Variants in RBM47 observed in about 807,000 individuals in gnomAD.
The protein encoded by RBM47 is RNA binding motif protein 47.
A neutral mutation model predicts 47.1 loss-of-function variants in RBM47; 21 were observed. That is an observed-to-expected ratio of 0.45 (90% CI 0.32 to 0.64). The LOEUF (loss-of-function observed/expected upper bound fraction) is 0.64. Among genes scored for constraint, RBM47 ranks in the 30% least tolerant of loss-of-function variants. The pLI, the probability that RBM47 is intolerant of heterozygous loss-of-function variation, is 0.05. For synonymous variants in RBM47, 375 were observed against 361.7 expected, an observed-to-expected ratio of 1.04 and a Z score of -0.42; for missense variants, 708 against 870.9, an observed-to-expected ratio of 0.81 and a Z score of 2.35.
intron 3 of RBM47, among the ~76,000 whole-genome samples, chr4:40,440,771 A>G (rs1377316496): frequency 6.6e-6 from 1 of 152,224 alleles, no homozygotes; most frequent in African/African-American, 2.4e-5. Context: ...AATCAGAATG[A>G]TAATAATAGT....
intron 1 of RBM47, among the ~76,000 whole-genome samples, chr4:40,583,342 A>G (rs750943006): frequency 7.3e-5 from 10 of 136,914 alleles, no homozygotes; most frequent in Non-Finnish European, 1.2e-4. Flanking sequence ...TGAACCTGAG[A>G]GGTGGAGGTT....
At chr4:40,617,066 G>A (rs926137116) in intron 1 of RBM47, among the ~76,000 whole-genome samples, 1 of 151,520 alleles carries the variant, frequency 6.6e-6, no homozygotes, top group Non-Finnish European at 1.5e-5. Context: ...AGTAGAGACA[G>A]GATTTCACCA....
At chr4:40,432,017 ATT>A (rs67566145) in intron 6 of RBM47, among the ~76,000 whole-genome samples, 1 of 88,576 alleles carries the variant, frequency 1.1e-5, no homozygotes, top group South Asian at 6.3e-4. Context: ...TGCCAGGCTA[ATT>A]TAAAAAAAAA....
chr4:40,461,056 C>A (rs1717069558), intron 3 of RBM47, among the ~76,000 whole-genome samples: 1 of 152,014 alleles, frequency 6.6e-6, no homozygotes, highest in Non-Finnish European at 1.5e-5. Flanking sequence ...AAGAAATATG[C>A]ACTTAAATTA....
intron 1 of RBM47, among the ~76,000 whole-genome samples, chr4:40,551,633 C>A (rs893821730): frequency 6.7e-6 from 1 of 148,908 alleles, no homozygotes; most frequent in Admixed American, 6.7e-5. Flanking sequence ...GAGGGAGAAT[C>A]AAATAGCGTA....
intron 3 of RBM47, among the ~76,000 whole-genome samples, chr4:40,447,170 C>T (rs962195793): frequency 1.2e-4 from 19 of 152,294 alleles, no homozygotes; most frequent in African/African-American, 3.6e-4. Flanking sequence ...AGCTATTCTT[C>T]CCAACACTAA....
chr4:40,491,819 CT>C, intron 2 of RBM47: 1 of 215,972 alleles, frequency 4.6e-6, no homozygotes, highest in Non-Finnish European at 9.5e-6. Flanking sequence ...AGCCTACCAC[CT>C]TCAGAAGTCA....
Position 40,535,168 on chromosome 4 carries a change from C to T in RBM47, c.-155+9254G>A, listed in dbSNP as rs10011078. 2.5e-3 allele frequency among the ~76,000 whole-genome samples: 383 copies of T among 152,158 alleles called. 3 individuals carry two copies. The highest frequency in any genetic ancestry group is 0.01 in the Middle Eastern group (3 of 294). Reference sequence around the variant, plus strand: ...AAGTAAAAGACTTCCTTATGCCTGGCATATAGTGAACCCTCAGTAAATGTA... The same window carrying T: ...AAGTAAAAGACTTCCTTATGCCTGGTATATAGTGAACCCTCAGTAAATGTA... On this transcript the variant is annotated intron_variant, in intron 2 of 6. Coordinates refer to ENST00000295971, the MANE Select transcript of RBM47 (RefSeq NM_001098634.2).
chr4:40,569,931 C>T (rs1012219655), intron 1 of RBM47, among the ~76,000 whole-genome samples: 2 of 151,626 alleles, frequency 1.3e-5, no homozygotes. Flanking sequence ...AGGCTGGTCT[C>T]GAACTCCTGT....
At chr4:40,612,046 A>G (rs904897642) in intron 1 of RBM47, among the ~76,000 whole-genome samples, 1 of 152,232 alleles carries the variant, frequency 6.6e-6, no homozygotes, top group Non-Finnish European at 1.5e-5. Flanking sequence ...AAGGGTCAAG[A>G]GCGTTGGAAT....
At chr4:40,580,402 G>C (rs1287290229) in intron 1 of RBM47, among the ~76,000 whole-genome samples, 1 of 152,030 alleles carries the variant, frequency 6.6e-6, no homozygotes, top group Admixed American at 6.6e-5. Flanking sequence ...TCCTGGGTCT[G>C]AGGGCTCCAA....
chr4:40,516,940 C>T (rs1220380900), intron 2 of RBM47, among the ~76,000 whole-genome samples: 3 of 152,164 alleles, frequency 2.0e-5, no homozygotes, highest in East Asian at 3.9e-4. Flanking sequence ...TTGTCCCTTG[C>T]GTGCCCTTCT....
intron 1 of RBM47, among the ~76,000 whole-genome samples, chr4:40,555,065 AG>A (rs1163118100): frequency 1.3e-5 from 2 of 152,064 alleles, no homozygotes; most frequent in African/African-American, 4.8e-5. Flanking sequence ...CCTTCCCAGT[AG>A]CTGGGATTAC....
At position 40,486,104 on chromosome 4, in the gene RBM47, AGT is replaced by A. The variant is rs576318896; in HGVS notation, c.-154-19407_-154-19406del. On this transcript the variant is annotated intron_variant, in intron 2 of 6. Coordinates refer to ENST00000295971, the MANE Select transcript of RBM47 (RefSeq NM_001098634.2). ...AAAAAAAAAAAAAAAAAAAGAGCTTAGTGTGAAGAGTTTAGAAACTAAATACA... is the reference window on the plus strand; with the variant it reads ...AAAAAAAAAAAAAAAAAAAGAGCTTAGTGAAGAGTTTAGAAACTAAATACA... Among the ~76,000 whole-genome samples the A allele has an allele frequency of 2.5e-3, 359 of 144,474 alleles. 3 individuals are homozygous for A. The highest frequency in any genetic ancestry group is 7.6e-3 in the African/African-American group (300 of 39,674). 94.8% of individuals were successfully genotyped at this position (144,474 alleles called of 152,430 possible).
intron 2 of RBM47, among the ~76,000 whole-genome samples, chr4:40,502,869 G>A (rs1223633648): frequency 6.6e-6 from 1 of 151,866 alleles, no homozygotes; most frequent in East Asian, 1.9e-4. Context: ...GCTGGGCGTG[G>A]TGGCTCATGC....
intron 1 of RBM47, among the ~76,000 whole-genome samples, chr4:40,575,132 T>C (rs1732164645): frequency 6.6e-6 from 1 of 152,132 alleles, no homozygotes; most frequent in Non-Finnish European, 1.5e-5. Context: ...GAAAACCCCT[T>C]AAAACAATCC....
intron 2 of RBM47, among the ~76,000 whole-genome samples, chr4:40,475,236 A>G (rs562059175): frequency 5.3e-5 from 8 of 152,284 alleles, no homozygotes; most frequent in African/African-American, 1.9e-4. Context: ...AATTATCATA[A>G]AGCTAATTCC....
At position 40,520,378 on chromosome 4, in the gene RBM47, G is replaced by C. The variant is rs193037831; in HGVS notation, c.-155+24044C>G. The stretch of plus-strand genomic sequence containing the variant: ...ATGCCAGCATGCAGGTATACCCCTA[G>C]AATTTTCAACTGCAGAGCTGCAATA... On this transcript the variant is annotated intron_variant, in intron 2 of 6. Transcript: ENST00000295971. Among the ~76,000 whole-genome samples the C allele has an allele frequency of 4.5e-4, 69 of 152,286 alleles. 2 individuals are homozygous for C. The East Asian group carries it at 9.5e-3, about 21-fold the overall frequency.
chr4:40,539,476 C>T lies in RBM47; in HGVS notation c.-155+4946G>A, dbSNP rs113308019. Among the ~76,000 whole-genome samples, 204 of 152,136 alleles carry T rather than the reference C, an allele frequency of 1.3e-3. 1 individual carries two copies. The highest frequency in any genetic ancestry group is 4.6e-3 in the African/African-American group (191 of 41,518). On this transcript the variant is annotated intron_variant, in intron 2 of 6. Coordinates refer to ENST00000295971, the MANE Select transcript of RBM47 (RefSeq NM_001098634.2). The stretch of plus-strand genomic sequence containing the variant: ...ATCTTCTAAGCCAGGCACGGTGACT[C>T]GTGCCTGTAATCCCAGCACTTTGGG...
Sources: allele counts gnomAD v4.1 joint callset (sites outside exome capture counted in the v4.1 genomes callset), GRCh38; gene constraint gnomAD v4.1.1; transcripts MANE v1.5; gene names NCBI Gene and HGNC (gene_info 2026-07-23, HGNC 2026-07-21).